The following A4GALT variants were observed in gnomAD, a reference collection of about 807,000 sequenced individuals.
A4GALT encodes alpha 1,4-galactosyltransferase (P1PK blood group).
For missense variants in A4GALT, 512 were observed against 486.0 expected (o/e 1.05, Z -0.50); for synonymous variants, 257 against 220.7 (o/e 1.16, Z -1.46).
chr22:42,720,223 G>A (rs1373438672), intron 1 of A4GALT, among the ~76,000 whole-genome samples: 1 of 152,204 alleles, frequency 6.6e-6, no homozygotes, highest in African/African-American at 2.4e-5. Flanking sequence ...TACCCAGGCC[G>A]TTTCCCGCAC....
intron 1 of A4GALT, among the ~76,000 whole-genome samples, chr22:42,703,811 C>T (rs540755078): frequency 6.6e-5 from 10 of 152,152 alleles, no homozygotes; most frequent in South Asian, 6.2e-4. Flanking sequence ...AGACCTGAGG[C>T]GCCAAGAACT....
intron 1 of A4GALT, among the ~76,000 whole-genome samples, chr22:42,708,573 G>GGAAGGAAT: frequency 6.6e-6 from 1 of 151,154 alleles, no homozygotes; most frequent in East Asian, 1.9e-4. Flanking sequence ...AAGGAAGGAA[G>GGAAGGAAT]GAAGGAAGGA....
In A4GALT at chr22:42,720,819, CGGCGGACAGCGGGGCCCCGGCG is replaced by C; in HGVS notation, c.-232_-211del. The stretch of plus-strand genomic sequence containing the variant: ...TACCTCTAGCTCCAGCGGCGGCGGG[CGGCGGACAGCGGGGCCCCGGCG>C]GGCGGGCGGCGCGGCGGCCGGAGGG... On this transcript the variant is annotated 5_prime_UTR_variant, in exon 1 of 3. Coordinates refer to ENST00000642412, the MANE Select transcript of A4GALT (RefSeq NM_017436.7). 1.0e-5 allele frequency: 1 copy of C among 97,208 alleles called. No homozygotes were observed. The allele number at this position is 97,208 out of a possible 1,614,324, so 6.0% of individuals were successfully genotyped here. A position where few individuals can be genotyped will look rare whatever the true frequency, so the allele number is the denominator to read the frequency against.
chr22:42,719,802 C>T (rs1384369134), intron 1 of A4GALT, among the ~76,000 whole-genome samples: 2 of 152,088 alleles, frequency 1.3e-5, no homozygotes, highest in East Asian at 3.9e-4. Context: ...ACCAGGTGCT[C>T]GGGGTTATTT....
intron 1 of A4GALT, among the ~76,000 whole-genome samples, chr22:42,704,798 A>G (rs1920965532): frequency 6.9e-6 from 1 of 145,502 alleles, no homozygotes; most frequent in Admixed American, 7.2e-5. Context: ...ACTAAGAGGC[A>G]GGGAAAACCC....
At chr22:42,711,911 C>T (rs1238781809) in intron 1 of A4GALT, among the ~76,000 whole-genome samples, 1 of 152,170 alleles carries the variant, frequency 6.6e-6, no homozygotes, top group Non-Finnish European at 1.5e-5. Flanking sequence ...GCGTGAGCCA[C>T]CGTGACTGGT....
At chr22:42,714,683 C>T (rs141819013) in intron 1 of A4GALT, among the ~76,000 whole-genome samples, 68 of 152,110 alleles carry the variant, frequency 4.5e-4, no homozygotes, top group Middle Eastern at 3.4e-3. Context: ...GGCTGAGAAT[C>T]GCTTGAACCC....
At position 42,693,166 on chromosome 22, in the gene A4GALT, ACAC is replaced by A. The variant is rs771529410; in HGVS notation, c.783_785del (p.Trp261del). On this transcript the variant is annotated inframe_deletion, in exon 3 of 3. Transcript: ENST00000642412. ...GGCTCTCGGCCAGGCTGCGGATGGA[ACAC>A]CACTTCTTGAAGACCCGCGTGAGCA... The A allele has an allele frequency of 6.3e-7, 1 of 1,598,048 alleles. No homozygotes were observed. Among genetic ancestry groups the A allele is most frequent in the Non-Finnish European group, 8.5e-7 (1 of 1,173,486 alleles).
chr22:42,699,742 A>G (rs954100720), intron 1 of A4GALT, among the ~76,000 whole-genome samples: 2 of 152,184 alleles, frequency 1.3e-5, no homozygotes, highest in Non-Finnish European at 2.9e-5. Context: ...AGTCGGGGCT[A>G]TGATGGTTAA....
intron 1 of A4GALT, among the ~76,000 whole-genome samples, chr22:42,717,995 A>C (rs1392702213): frequency 6.6e-6 from 1 of 152,212 alleles, no homozygotes; most frequent in Non-Finnish European, 1.5e-5. Flanking sequence ...AGAAGTTCAT[A>C]CGCACTGATT....
rs1327080405 is a variant in A4GALT, at chr22:42,692,718, C to A, written c.*172G>T. The A allele has an allele frequency of 2.5e-6, 2 of 787,640 alleles. No individual in the cohort carries two copies. The highest frequency in any genetic ancestry group is 4.0e-5 in the Admixed American group (2 of 50,002). 48.8% of individuals were successfully genotyped at this position (787,640 alleles called of 1,614,324 possible). A position where few individuals can be genotyped will look rare whatever the true frequency, so the allele number is the denominator to read the frequency against. The stretch of plus-strand genomic sequence containing the variant: ...CCCTGCCTCGAGACAGGACACTGTC[C>A]TCGGGGTGTCCACAGCCTCCCACTG... On this transcript the variant is annotated 3_prime_UTR_variant, in exon 3 of 3. Transcript: ENST00000642412. This position sits in a 1 kb window ranked among gnomAD's most constrained non-coding sequence, Gnocchi z 4.6.
intron 1 of A4GALT, among the ~76,000 whole-genome samples, chr22:42,710,802 G>A (rs934199874): frequency 1.3e-5 from 2 of 151,962 alleles, no homozygotes; most frequent in African/African-American, 4.8e-5. Flanking sequence ...CTGGTGAATG[G>A]CTTGAGCTCA....
chr22:42,693,148 G>C lies in A4GALT; in HGVS notation c.804C>G (p.Ala268=), dbSNP rs989084197. The change falls in exon 3 of 3, where the codon GCC becomes GCG. Residue 268 remains alanine (A), a synonymous_variant. Transcript: ENST00000642412. ...TGACGCCGCGGCAGGCGCGGCTCTC[G>C]GCCAGGCTGCGGATGGAACACCACT... ...FKKWCSIRSL[A]ESRACRGVTT... is the part of the protein sequence containing the mutation. The C allele has an allele frequency of 1.5e-5, 24 of 1,599,914 alleles. No individual in the cohort carries two copies. The Admixed American group carries it at 3.3e-4, about 22-fold the overall frequency.
At chr22:42,698,271 G>A in intron 1 of A4GALT, among the ~76,000 whole-genome samples, 1 of 151,244 alleles carries the variant, frequency 6.6e-6, no homozygotes, top group African/African-American at 2.4e-5. Context: ...AAAATCGAGA[G>A]GTGCAGGGCA....
chr22:42,715,635 G>C (rs1922103340), intron 1 of A4GALT, among the ~76,000 whole-genome samples: 1 of 152,020 alleles, frequency 6.6e-6, no homozygotes, highest in African/African-American at 2.4e-5. Flanking sequence ...GATCGCTTGA[G>C]CCCAGGAGGT....
intron 1 of A4GALT, among the ~76,000 whole-genome samples, chr22:42,698,775 T>C (rs1396638633): frequency 2.6e-5 from 4 of 152,072 alleles, no homozygotes; most frequent in African/African-American, 7.2e-5. Flanking sequence ...CAGGGTGAGA[T>C]AGGAGTTCAG....
At chr22:42,719,931 C>T (rs1198057597) in intron 1 of A4GALT, among the ~76,000 whole-genome samples, 2 of 152,112 alleles carry the variant, frequency 1.3e-5, no homozygotes, top group African/African-American at 4.8e-5. Context: ...GGGGAAATGG[C>T]GCTTTAACCC....
At chr22:42,700,454 G>A (rs1373623059) in intron 1 of A4GALT, among the ~76,000 whole-genome samples, 1 of 152,214 alleles carries the variant, frequency 6.6e-6, no homozygotes, top group Non-Finnish European at 1.5e-5. Flanking sequence ...TGGGAAGTGG[G>A]GAGAAGCAGG....
Position 42,692,712 on chromosome 22 carries a change from ACT to A in A4GALT, c.*176_*177del. 2.6e-6 allele frequency: 2 copies of A among 768,890 alleles called. No homozygotes were observed. Among genetic ancestry groups the A allele is most frequent in the South Asian group, 2.9e-5 (2 of 68,140 alleles). The allele number at this position is 768,890 out of a possible 1,614,324, so 47.6% of individuals were successfully genotyped here. A position where few individuals can be genotyped will look rare whatever the true frequency, so the allele number is the denominator to read the frequency against. ...TGTCAGCCCTGCCTCGAGACAGGAC[ACT>A]GTCCTCGGGGTGTCCACAGCCTCCC... On this transcript the variant is annotated 3_prime_UTR_variant, in exon 3 of 3. Transcript: ENST00000642412. This position sits in a 1 kb window ranked among gnomAD's most constrained non-coding sequence, Gnocchi z 4.6.
Sources: allele counts gnomAD v4.1 joint callset (sites outside exome capture counted in the v4.1 genomes callset), GRCh38; gene constraint gnomAD v4.1.1; non-coding constraint Gnocchi (gnomAD v3.1); transcripts MANE v1.5; gene names NCBI Gene and HGNC (gene_info 2026-07-23, HGNC 2026-07-21).